Variants in FMNL2 observed in about 807,000 individuals in gnomAD.
FMNL2 encodes the protein formin-like protein 2.
FMNL2 carries 51 observed loss-of-function variants against 130.2 expected under a neutral mutation model. The observed-to-expected ratio is 0.39, with a 90% confidence interval of 0.31 to 0.49. FMNL2 has a LOEUF of 0.49. Among genes scored for constraint, FMNL2 ranks in the 20% least tolerant of loss-of-function variants. The pLI is 0.85. For missense variants in FMNL2, 977 were observed against 1,316.2 expected (o/e 0.74, Z 3.99); for synonymous variants, 465 against 467.1 (o/e 1.00, Z 0.06).
intron 4 of FMNL2, among the ~76,000 whole-genome samples, chr2:152,550,251 T>TC (rs1413720835): frequency 2.0e-4 from 30 of 152,334 alleles, no homozygotes; most frequent in South Asian, 1.4e-3. Context: ...AAATAAACTT[T>TC]TAGAAACTGT....
intron 5 of FMNL2, among the ~76,000 whole-genome samples, chr2:152,560,576 C>G (rs6756108): frequency 0.02 from 3,051 of 152,180 alleles, 110 homozygotes; most frequent in African/African-American, 0.069. Context: ...TCCATCATAC[C>G]AATGTTAGTG....
At chr2:152,552,002 A>T (rs1281232010) in intron 4 of FMNL2, among the ~76,000 whole-genome samples, 1 of 152,226 alleles carries the variant, frequency 6.6e-6, no homozygotes, top group Non-Finnish European at 1.5e-5. Flanking sequence ...TGTCTCTAAA[A>T]ATAAAAAATC....
chr2:152,632,435 G>C (rs1682240218), intron 21 of FMNL2, among the ~76,000 whole-genome samples: 1 of 152,156 alleles, frequency 6.6e-6, no homozygotes, highest in Non-Finnish European at 1.5e-5. Context: ...TGAAATGTGA[G>C]AATGAGAATC....
At chr2:152,449,657 CCTTGTTTTCACTG>C (rs1418122458) in intron 1 of FMNL2, among the ~76,000 whole-genome samples, 3 of 152,112 alleles carry the variant, frequency 2.0e-5, no homozygotes, top group Non-Finnish European at 4.4e-5. Flanking sequence ...CTACTTGTGG[CCTTGTTTTCACTG>C]CTTGGTTACC....
In FMNL2 at chr2:152,649,164, T is replaced by A. The variant is rs1683864700; in HGVS notation, c.*1259T>A. On this transcript the variant is annotated 3_prime_UTR_variant, in exon 26 of 26. Coordinates refer to ENST00000288670, the MANE Select transcript of FMNL2 (RefSeq NM_052905.4). ...TGAAGTTCCTATTTTATGTTGTGCT[T>A]ATGTGAACCCCTTGGTGAAGGTCCC... The A allele has an allele frequency of 1.3e-5, 2 of 152,630 alleles. No individual in the cohort carries two copies. The highest frequency in any genetic ancestry group is 4.8e-5 in the African/African-American group (2 of 41,460). The allele number at this position is 152,630 out of a possible 1,614,324, so 9.5% of individuals were successfully genotyped here.
intron 1 of FMNL2, among the ~76,000 whole-genome samples, chr2:152,375,519 T>A (rs898453255): frequency 2.0e-5 from 3 of 152,240 alleles, no homozygotes; most frequent in Admixed American, 1.3e-4. Flanking sequence ...AATGTTAAGT[T>A]TAATTCAGAT....
chr2:152,342,303 C>T (rs916189483), intron 1 of FMNL2, among the ~76,000 whole-genome samples: 12 of 152,144 alleles, frequency 7.9e-5, no homozygotes, highest in African/African-American at 2.9e-4. Flanking sequence ...GATGATTGCC[C>T]CTCCTTTGCA....
intron 1 of FMNL2, among the ~76,000 whole-genome samples, chr2:152,504,826 ATGTGCATATCTGTGTATTAATACTC>A (rs1692065767): frequency 6.6e-6 from 1 of 152,156 alleles, no homozygotes; most frequent in African/African-American, 2.4e-5. Flanking sequence ...GGGCTTAGGA[ATGTGCATATCTGTGTATTAATACTC>A]TGAAGACACT....
chr2:152,366,966 CAG>C (rs1683591068), intron 1 of FMNL2, among the ~76,000 whole-genome samples: 2 of 151,992 alleles, frequency 1.3e-5, no homozygotes. Flanking sequence ...GCCAGGGCAG[CAG>C]AGTGAGACCC....
At chr2:152,623,153 T>C (rs960054840) in intron 15 of FMNL2, among the ~76,000 whole-genome samples, 10 of 152,190 alleles carry the variant, frequency 6.6e-5, no homozygotes, top group Non-Finnish European at 1.5e-4. Context: ...GGCAAACTTC[T>C]AGCGAGCGTC....
chr2:152,623,641 C>G (rs1434960894), intron 15 of FMNL2, among the ~76,000 whole-genome samples: 2 of 152,112 alleles, frequency 1.3e-5, no homozygotes, highest in African/African-American at 4.8e-5. Flanking sequence ...TTATTTTGTT[C>G]TGCACTGAAG....
chr2:152,394,176 G>T lies in FMNL2; in HGVS notation c.117+58456G>T, dbSNP rs562846022. Among the ~76,000 whole-genome samples the T allele has an allele frequency of 2.6e-5, 4 of 151,932 alleles. No individual in the cohort carries two copies. The South Asian group carries it at 8.4e-4, about 32-fold the overall frequency. ...AAATTTTAAATTTCTGACCATTTTT[G>T]TCATGATTCTGAAAGTTAGAATGTT... On this transcript the variant is annotated intron_variant, in intron 1 of 25. Coordinates refer to ENST00000288670, the MANE Select transcript of FMNL2 (RefSeq NM_052905.4).
chr2:152,366,990 ATAAAT>A (rs1683592834), intron 1 of FMNL2, among the ~76,000 whole-genome samples: 1 of 152,162 alleles, frequency 6.6e-6, no homozygotes. Context: ...GTCTCAATAA[ATAAAT>A]TAAATTAAAT....
intron 1 of FMNL2, among the ~76,000 whole-genome samples, chr2:152,389,482 G>T (rs986680464): frequency 6.6e-6 from 1 of 152,176 alleles, no homozygotes; most frequent in African/African-American, 2.4e-5. Context: ...TGAATTTTGA[G>T]GAGACACATT....
In FMNL2 at chr2:152,643,388, T is replaced by G. The variant is rs971870286; in HGVS notation, c.3169+2474T>G. ...ATCTTGGCTTTTTATTCTCTTCTGT[T>G]TGTGTTGTTTGGCTGTCATTTTCAA... On this transcript the variant is annotated intron_variant, in intron 25 of 25. Transcript: ENST00000288670. 44 of 1,535,802 alleles carry G rather than the reference T, an allele frequency of 2.9e-5. No homozygotes were observed. In the Middle Eastern group the frequency reaches 5.0e-4, roughly 17 times the overall value.
intron 9 of FMNL2, among the ~76,000 whole-genome samples, chr2:152,582,656 A>G (rs895321943): frequency 6.6e-6 from 1 of 152,184 alleles, no homozygotes; most frequent in African/African-American, 2.4e-5. Context: ...GAATGTTTTT[A>G]TATATCATGT....
At chr2:152,534,517 T>C (rs182977399) in intron 2 of FMNL2, among the ~76,000 whole-genome samples, 1 of 152,194 alleles carries the variant, frequency 6.6e-6, no homozygotes, top group African/African-American at 2.4e-5. Flanking sequence ...ATTAGTGCTC[T>C]TGAATTGCCT....
intron 1 of FMNL2, among the ~76,000 whole-genome samples, chr2:152,494,164 A>G (rs984406057): frequency 2.9e-4 from 44 of 152,232 alleles, no homozygotes; most frequent in Admixed American, 2.7e-3. Flanking sequence ...AACGAGGGTC[A>G]CCCAACTGTG....
intron 1 of FMNL2, among the ~76,000 whole-genome samples, chr2:152,350,921 T>TG (rs1682444484): frequency 6.6e-6 from 1 of 152,094 alleles, no homozygotes; most frequent in African/African-American, 2.4e-5. Context: ...GGCGCGCACT[T>TG]GTAGTCCCAG....
Sources: allele counts gnomAD v4.1 joint callset (sites outside exome capture counted in the v4.1 genomes callset), GRCh38; gene constraint gnomAD v4.1.1; transcripts MANE v1.5; gene names NCBI Gene and HGNC (gene_info 2026-07-23, HGNC 2026-07-21).